Variants in ARHGEF33 observed in about 807,000 individuals in gnomAD.
ARHGEF33 encodes the protein DH and coiled-coil domain-containing protein ENSP00000381780.
ARHGEF33 carries 72 observed loss-of-function variants against 101.9 expected under a neutral mutation model. That is an observed-to-expected ratio of 0.71 (90% CI 0.58 to 0.86). The LOEUF (loss-of-function observed/expected upper bound fraction) is 0.86, where lower values mean the gene tolerates loss of function less well. Among genes scored for constraint, ARHGEF33 ranks in the 40% least tolerant of loss-of-function variants. The pLI, the probability that ARHGEF33 is intolerant of heterozygous loss-of-function variation, is 0.00. For synonymous variants in ARHGEF33, 499 were observed against 442.5 expected (o/e 1.13, Z -1.60); for missense variants, 1,169 against 1,111.3 (o/e 1.05, Z -0.74).
At chr2:38,948,568 G>GA (rs1358529092) in intron 10 of ARHGEF33, among the ~76,000 whole-genome samples, 1 of 151,948 alleles carries the variant, frequency 6.6e-6, no homozygotes, top group African/African-American at 2.4e-5. Context: ...GGGAAGGAGG[G>GA]AGAGAGGAAG....
At chr2:38,900,342 T>A (rs1403776278) in intron 2 of ARHGEF33, among the ~76,000 whole-genome samples, 2 of 152,080 alleles carry the variant, frequency 1.3e-5, no homozygotes, top group African/African-American at 2.4e-5. Flanking sequence ...GAGAAAGAGG[T>A]GCTTGAACTG....
chr2:38,900,233 A>G (rs1281132475), intron 2 of ARHGEF33, among the ~76,000 whole-genome samples: 2 of 152,182 alleles, frequency 1.3e-5, no homozygotes, highest in Non-Finnish European at 2.9e-5. Flanking sequence ...ACTATTGCCT[A>G]TAATTCCTGG....
Position 38,972,037 on chromosome 2 carries a change from CA to C in ARHGEF33, c.2484-1674del. 4 of 691,574 alleles carry C rather than the reference CA, an allele frequency of 5.8e-6. No homozygotes were observed. The South Asian group carries it at 6.2e-5, about 11-fold the overall frequency. 42.8% of individuals were successfully genotyped at this position (691,574 alleles called of 1,614,324 possible). A position where few individuals can be genotyped will look rare whatever the true frequency, so the allele number is the denominator to read the frequency against. ...TGTAGCTAAGAGGGGAAATACGAGGCAAAGATTTCAAGTTTTGAGTAATGAC... is the reference window on the plus strand; with the variant it reads ...TGTAGCTAAGAGGGGAAATACGAGGCAAGATTTCAAGTTTTGAGTAATGAC... On this transcript the variant is annotated intron_variant, in intron 17 of 17. Coordinates refer to ENST00000409978, the MANE Select transcript of ARHGEF33 (RefSeq NM_001145451.5).
intron 1 of ARHGEF33, among the ~76,000 whole-genome samples, chr2:38,894,191 G>C (rs1387751547): frequency 6.6e-6 from 1 of 151,966 alleles, no homozygotes; most frequent in Non-Finnish European, 1.5e-5. Flanking sequence ...AAATTAGCCA[G>C]GCATGGTGGC....
intron 1 of ARHGEF33, among the ~76,000 whole-genome samples, chr2:38,891,229 C>T (rs559090942): frequency 2.0e-5 from 3 of 152,024 alleles, no homozygotes; most frequent in Non-Finnish European, 2.9e-5. Flanking sequence ...CCACCATGCT[C>T]GGCCTTATTG....
rs546063689 is a variant in ARHGEF33 at position 38,931,748 on chromosome 2, G to A, written c.505+497G>A. ...AACTGGCTTTCCAGTGGAAGTCAGA[G>A]TTTTGGTTATTAACTTACATTCAAC... On this transcript the variant is annotated intron_variant, in intron 7 of 17. Coordinates refer to ENST00000409978, the MANE Select transcript of ARHGEF33 (RefSeq NM_001145451.5). 2.6e-5 allele frequency among the ~76,000 whole-genome samples: 4 copies of A among 152,168 alleles called. No individual in the cohort carries two copies. In the South Asian group the frequency reaches 8.3e-4, roughly 32 times the overall value.
At chr2:38,921,773 A>T (rs1469360871) in intron 4 of ARHGEF33, among the ~76,000 whole-genome samples, 4 of 152,192 alleles carry the variant, frequency 2.6e-5, no homozygotes, top group Non-Finnish European at 4.4e-5. Flanking sequence ...AAAGTGCAGC[A>T]CTACCACGCC....
At chr2:38,965,183 A>G (rs778725937) in intron 16 of ARHGEF33, among the ~76,000 whole-genome samples, 2 of 152,220 alleles carry the variant, frequency 1.3e-5, no homozygotes, top group Admixed American at 6.5e-5. Flanking sequence ...AGGTTATTCA[A>G]AATTCAGCAG....
intron 9 of ARHGEF33, among the ~76,000 whole-genome samples, chr2:38,937,808 G>T (rs1667187651): frequency 1.3e-5 from 2 of 152,148 alleles, no homozygotes; most frequent in Non-Finnish European, 2.9e-5. Context: ...GTGGGCGGGA[G>T]GGGGAAGGCA....
At chr2:38,934,099 C>A (rs1489032117) in intron 7 of ARHGEF33, among the ~76,000 whole-genome samples, 1 of 152,164 alleles carries the variant, frequency 6.6e-6, no homozygotes, top group Non-Finnish European at 1.5e-5. Flanking sequence ...TTATCCGTCT[C>A]TTCTTTCTTA....
intron 2 of ARHGEF33, among the ~76,000 whole-genome samples, chr2:38,912,078 T>C (rs1351339825): frequency 6.6e-6 from 1 of 152,160 alleles, no homozygotes; most frequent in African/African-American, 2.4e-5. Flanking sequence ...CTTTGTAACA[T>C]GATCAGGCAT....
chr2:38,952,700 T>C (rs1572772152), intron 11 of ARHGEF33, among the ~76,000 whole-genome samples: 2 of 151,486 alleles, frequency 1.3e-5, no homozygotes, highest in East Asian at 3.9e-4. Context: ...TTTTTTAAGA[T>C]ACATTTTTTT....
intron 16 of ARHGEF33, among the ~76,000 whole-genome samples, chr2:38,963,308 T>C (rs1442452912): frequency 6.6e-6 from 1 of 152,224 alleles, no homozygotes; most frequent in East Asian, 1.9e-4. Flanking sequence ...TTAAATACTC[T>C]GTATATCTTT....
At chr2:38,899,808 C>G (rs925773669) in intron 2 of ARHGEF33, among the ~76,000 whole-genome samples, 6 of 152,002 alleles carry the variant, frequency 3.9e-5, no homozygotes, top group Admixed American at 6.6e-5. Context: ...TTGCACTACA[C>G]TTTCTAAATA....
chr2:38,931,100 C>T lies in ARHGEF33; in HGVS notation c.363-9C>T, dbSNP rs759208339. The T allele has an allele frequency of 3.2e-6, 5 of 1,539,924 alleles. No homozygotes were observed. The African/African-American group carries it at 4.1e-5, about 13-fold the overall frequency. The stretch of plus-strand genomic sequence containing the variant: ...CCAGAATAGCCTTGTCTTTGTTTCT[C>T]TTTCCTAGGAAAACTCAAAAAGAAG... On this transcript the variant is annotated splice_polypyrimidine_tract_variant and intron_variant, in intron 6 of 17. Coordinates refer to ENST00000409978, the MANE Select transcript of ARHGEF33 (RefSeq NM_001145451.5).
At chr2:38,945,872 C>T (rs1054832331) in intron 10 of ARHGEF33, among the ~76,000 whole-genome samples, 6 of 152,172 alleles carry the variant, frequency 3.9e-5, no homozygotes, top group Admixed American at 6.5e-5. Context: ...GACGAAGGAA[C>T]TAAGGCCCAG....
rs74849211 is a variant in ARHGEF33, at chr2:38,900,944, C to T, written c.-86+5095C>T. Reference sequence around the variant, plus strand: ...TTCCTGTCCAGGATCAATAACAGTTCAGCTCTGGCCTCACACTGGCTACAC... The same window carrying T: ...TTCCTGTCCAGGATCAATAACAGTTTAGCTCTGGCCTCACACTGGCTACAC... On this transcript the variant is annotated intron_variant, in intron 2 of 17. Transcript: ENST00000409978. Among the ~76,000 whole-genome samples the T allele has an allele frequency of 2.6e-3, 401 of 152,184 alleles. 2 individuals are homozygous for T. The highest frequency in any genetic ancestry group is 6.2e-3 in the Admixed American group (95 of 15,284).
rs75717143 is a variant in ARHGEF33, at chr2:38,935,137, T to G, written c.506-638T>G. 6.7e-3 allele frequency among the ~76,000 whole-genome samples: 1,014 copies of G among 152,060 alleles called. 7 individuals carry two copies. The highest frequency in any genetic ancestry group is 9.0e-3 in the Non-Finnish European group (609 of 67,988). ...ATTATAAGGGCTTTGGCTTTTACACTGAAATGGGAGCCATTGGAGGGCTAA... is the reference window on the plus strand; with the variant it reads ...ATTATAAGGGCTTTGGCTTTTACACGGAAATGGGAGCCATTGGAGGGCTAA... On this transcript the variant is annotated intron_variant, in intron 7 of 17. Coordinates refer to ENST00000409978, the MANE Select transcript of ARHGEF33 (RefSeq NM_001145451.5).
At position 38,931,214 on chromosome 2, in the gene ARHGEF33, C is replaced by T. The variant is rs553334031; in HGVS notation, c.468C>T (p.Asp156=). 1.3e-6 allele frequency: 2 copies of T among 1,551,224 alleles called. No homozygotes were observed. The highest frequency in any genetic ancestry group is 1.7e-6 in the Non-Finnish European group (2 of 1,146,800). Residue 156 remains aspartate, a synonymous_variant, in exon 7 of 18, where the codon GAC becomes GAT. Transcript: ENST00000409978. ...CTGAGCCTGTTCTTCCAAGCGAAGA[C>T]TTTACCAACCTTTTGCCTTCTCAGG... ...NIPEPVLPSE[D]FTNLLPSQAY... is the part of the protein sequence containing the mutation.
Sources: gnomAD v4.1 joint callset for allele counts (sites outside exome capture counted in the v4.1 genomes callset) on GRCh38, gnomAD v4.1.1 for gene constraint, MANE v1.5 for transcripts, NCBI Gene and HGNC (gene_info 2026-07-23, HGNC 2026-07-21) for gene names.